The following IQGAP2 variants were observed in gnomAD, a reference collection of about 807,000 sequenced individuals.
IQGAP2 encodes the protein ras GTPase-activating-like protein IQGAP2.
A neutral mutation model predicts 201.3 loss-of-function variants in IQGAP2; 173 were observed. The observed-to-expected ratio is 0.86, with a 90% CI of 0.76 to 0.98. The LOEUF is 0.98. IQGAP2 is among the 50% of genes least tolerant of loss of function. The pLI is 0.00. For missense variants in IQGAP2, 1,687 were observed against 1,864.8 expected (o/e 0.90, Z 1.76); for synonymous variants, 675 against 673.9 (o/e 1.00, Z -0.03).
chr5:76,408,725 G>C (rs1227364390), intron 1 of IQGAP2, among the ~76,000 whole-genome samples: 1 of 152,110 alleles, frequency 6.6e-6, no homozygotes, highest in Non-Finnish European at 1.5e-5. Context: ...AATAGCCACA[G>C]CTCTCCAGCC....
chr5:76,683,226 T>C lies in IQGAP2; in HGVS notation c.3763+9T>C. On this transcript the variant is annotated intron_variant, in intron 29 of 35. Coordinates refer to ENST00000274364, the MANE Select transcript of IQGAP2 (RefSeq NM_006633.5). ...CGTGGAATCTTTTCTTGGTAAGAGCTTGTTCCTTCTACTTATCCCTTGGTT... is the reference window on the plus strand; with the variant it reads ...CGTGGAATCTTTTCTTGGTAAGAGCCTGTTCCTTCTACTTATCCCTTGGTT... The C allele has an allele frequency of 6.3e-7, 1 of 1,594,616 alleles. No homozygotes were observed. The highest frequency in any genetic ancestry group is 1.7e-5 in the Admixed American group (1 of 58,502).
At chr5:76,702,324 T>C (rs1339346416) in intron 34 of IQGAP2, among the ~76,000 whole-genome samples, 158 bp from the exon 35 acceptor site, 2 of 152,188 alleles carry the variant, frequency 1.3e-5, no homozygotes, top group East Asian at 3.8e-4. Flanking sequence ...GAGAGCAGAA[T>C]TGGGGGAAAG....
intron 1 of IQGAP2, among the ~76,000 whole-genome samples, chr5:76,450,504 T>C (rs1465668860): frequency 6.6e-6 from 1 of 152,236 alleles, no homozygotes; most frequent in African/African-American, 2.4e-5. Context: ...TGAATCTTAG[T>C]TAAGTGGAGG....
chr5:76,509,819 C>T (rs1031461258), intron 2 of IQGAP2, among the ~76,000 whole-genome samples: 9 of 152,122 alleles, frequency 5.9e-5, no homozygotes, highest in Admixed American at 3.3e-4. Flanking sequence ...TAGTCACCCT[C>T]CTGGACCTAA....
chr5:76,426,935 T>TGTGA (rs894766853), intron 1 of IQGAP2, among the ~76,000 whole-genome samples: 5 of 151,512 alleles, frequency 3.3e-5, no homozygotes, highest in African/African-American at 7.3e-5. Flanking sequence ...TGTGTGTGTG[T>TGTGA]GAGTGTGTGC....
At chr5:76,562,860 C>T (rs1350548499) in intron 3 of IQGAP2, among the ~76,000 whole-genome samples, 4 of 152,174 alleles carry the variant, frequency 2.6e-5, no homozygotes, top group Non-Finnish European at 5.9e-5. Context: ...CATGCTACCA[C>T]TCCTTTTTTC....
rs140129796 is a variant in IQGAP2, at chr5:76,441,923, C to T, written c.47-19647C>T. Among the ~76,000 whole-genome samples, 474 of 152,198 alleles carry T rather than the reference C, an allele frequency of 3.1e-3. 5 individuals are homozygous for T. Among genetic ancestry groups the T allele is most frequent in the Middle Eastern group, 0.01 (3 of 294 alleles). On this transcript the variant is annotated intron_variant, in intron 1 of 35. Transcript: ENST00000274364. ...TAGGAAAATGGTACTCAGCTTTTCT[C>T]GTATTAATGCCTGGAAGCAGGAAGA...
At chr5:76,415,131 C>A (rs1049960123) in intron 1 of IQGAP2, among the ~76,000 whole-genome samples, 2 of 151,890 alleles carry the variant, frequency 1.3e-5, no homozygotes, top group African/African-American at 2.4e-5. Flanking sequence ...AGTGGGAATG[C>A]GATTTGAAAT....
chr5:76,558,862 C>T (rs1288160027), intron 2 of IQGAP2, among the ~76,000 whole-genome samples: 1 of 152,166 alleles, frequency 6.6e-6, no homozygotes, highest in Non-Finnish European at 1.5e-5. Flanking sequence ...CCCTTCAACC[C>T]AGTGCCTCTC....
At chr5:76,666,769 G>A (rs957910437) in intron 22 of IQGAP2, among the ~76,000 whole-genome samples, 1 of 152,144 alleles carries the variant, frequency 6.6e-6, no homozygotes, top group African/African-American at 2.4e-5. Flanking sequence ...GTAGAGACAA[G>A]ATGTCACTCT....
At chr5:76,515,870 ATCTTTTTTT>A (rs1758283529) in intron 2 of IQGAP2, among the ~76,000 whole-genome samples, 2 of 121,852 alleles carry the variant, frequency 1.6e-5, no homozygotes, top group African/African-American at 7.2e-5. Flanking sequence ...CAAGGGGGTG[ATCTTTTTTT>A]TTTTTTTTTT....
intron 1 of IQGAP2, 139 bp from the exon 2 acceptor site, chr5:76,461,431 T>A (rs780713742): frequency 5.8e-6 from 3 of 520,064 alleles, no homozygotes; most frequent in Non-Finnish European, 1.0e-5. Context: ...GGCAAATTTC[T>A]CTCTCTGCCT....
intron 2 of IQGAP2, among the ~76,000 whole-genome samples, chr5:76,511,686 G>GTTTT (rs70982618): frequency 7.1e-6 from 1 of 141,326 alleles, no homozygotes; most frequent in African/African-American, 2.6e-5. Flanking sequence ...GTTTTGTTTT[G>GTTTT]TTTTTTTTTT....
chr5:76,704,515 G>T (rs1747699671), intron 35 of IQGAP2, among the ~76,000 whole-genome samples: 1 of 152,244 alleles, frequency 6.6e-6, no homozygotes, highest in Non-Finnish European at 1.5e-5. Flanking sequence ...ATTGTGAAAT[G>T]TTAATCCTTA....
chr5:76,434,609 G>T (rs986044278), intron 1 of IQGAP2, among the ~76,000 whole-genome samples: 3 of 152,060 alleles, frequency 2.0e-5, no homozygotes, highest in Non-Finnish European at 4.4e-5. Context: ...TGGGCACTTA[G>T]ATTGGTCCCA....
intron 2 of IQGAP2, among the ~76,000 whole-genome samples, chr5:76,497,985 G>T (rs1388795061): frequency 6.6e-6 from 1 of 152,164 alleles, no homozygotes; most frequent in Non-Finnish European, 1.5e-5. Flanking sequence ...CATGTACTCA[G>T]CATATCCTAA....
rs1477324003 is a variant in IQGAP2 at position 76,606,300 on chromosome 5, G to A, written c.1354G>A (p.Asp452Asn). Reference protein sequence around the residue: ...MVNAQIQEENDRVVAVGYINE... With the variant: ...MVNAQIQEENNRVVAVGYINE... ...TAATGCTCAAATTCAAGAAGAAAAT[G>A]ACCGTAAGTATAAGACACTTTCCTT... Residue 452 changes from aspartate (D) to asparagine (N), a missense_variant, in exon 12 of 36, where the codon GAC (aspartate) becomes AAC (asparagine). By Grantham distance (23) the Asp-to-Asn change is conservative. Transcript: ENST00000274364. 10 of 1,596,654 alleles carry A rather than the reference G, an allele frequency of 6.3e-6. No homozygotes were observed. Among genetic ancestry groups the A allele is most frequent in the Non-Finnish European group, 7.7e-6 (9 of 1,171,982 alleles).
Position 76,597,345 on chromosome 5 carries a change from G to C in IQGAP2, c.908-94G>C. 3 of 1,280,072 alleles carry C rather than the reference G, an allele frequency of 2.3e-6. No individual in the cohort carries two copies. In the South Asian group the frequency reaches 4.0e-5, roughly 17 times the overall value. The allele number at this position is 1,280,072 out of a possible 1,614,324, so 79.3% of individuals were successfully genotyped here. A position where few individuals can be genotyped will look rare whatever the true frequency, so the allele number is the denominator to read the frequency against. On this transcript the variant is annotated intron_variant, in intron 9 of 35. Coordinates refer to ENST00000274364, the MANE Select transcript of IQGAP2 (RefSeq NM_006633.5). ...TTTTCAGAGTTCATGAAAAGTAACT[G>C]CTTAGGTTCAAATCCTTGGGAAGAA...
At chr5:76,685,099 G>A (rs533364110) in intron 30 of IQGAP2, among the ~76,000 whole-genome samples, 11 of 152,268 alleles carry the variant, frequency 7.2e-5, no homozygotes, top group African/African-American at 1.4e-4. Flanking sequence ...CAGTAGGACC[G>A]CAACCAAGTT....
Sources: allele counts gnomAD v4.1 joint callset (sites outside exome capture counted in the v4.1 genomes callset), GRCh38; gene constraint gnomAD v4.1.1; transcripts MANE v1.5; gene names NCBI Gene and HGNC (gene_info 2026-07-23, HGNC 2026-07-21).